Variants in MAGI2 observed in about 807,000 individuals in gnomAD.
MAGI2 encodes membrane-associated guanylate kinase, WW and PDZ domain-containing protein 2.
MAGI2 carries 35 observed loss-of-function variants against 133.3 expected under a neutral mutation model. The observed-to-expected ratio is 0.26, with a 90% CI of 0.20 to 0.35. MAGI2 has a LOEUF of 0.35. Ranked by LOEUF, MAGI2 falls within the 10% of genes least tolerant of loss-of-function variation. The probability of loss-of-function intolerance (pLI) is 1.00; values close to 1 mark genes in which losing one functional copy is unlikely to be tolerated. For synonymous variants in MAGI2, 729 were observed against 710.6 expected, an observed-to-expected ratio of 1.03 and a Z score of -0.41; for missense variants, 1,636 against 1,863.4, an observed-to-expected ratio of 0.88 and a Z score of 2.25.
chr7:78,811,316 G>T lies in MAGI2; in HGVS notation c.419-184077C>A, dbSNP rs1789022648. Among the ~76,000 whole-genome samples the T allele has an allele frequency of 3.9e-5, 6 of 152,002 alleles. No individual in the cohort carries two copies. In the South Asian group the frequency reaches 1.2e-3, roughly 31 times the overall value. ...TTTGTATTTTAATTTATAACACTTA[G>T]AGGACCTAAGAAGATGCTGATAGAG... On this transcript the variant is annotated intron_variant, in intron 2 of 21. Transcript: ENST00000354212.
chr7:78,173,015 A>G (rs2691525), intron 14 of MAGI2, among the ~76,000 whole-genome samples: 128,201 of 152,238 alleles, frequency 0.84, 54,152 homozygotes, highest in East Asian at 0.91. Flanking sequence ...TGCAGCATGA[A>G]TATGTCTTAA....
intron 1 of MAGI2, chr7:79,415,637 A>G (rs1846447833): frequency 6.6e-6 from 1 of 152,200 alleles, no homozygotes; most frequent in African/African-American, 2.4e-5. Flanking sequence ...AAATCCCTCA[A>G]AAGGGCTTCA....
intron 1 of MAGI2, among the ~76,000 whole-genome samples, chr7:79,164,122 T>C (rs1303888182): frequency 6.6e-6 from 1 of 152,036 alleles, no homozygotes; most frequent in African/African-American, 2.4e-5. Context: ...GGCCTGCCCA[T>C]GCATTCTATG....
At chr7:79,291,854 A>G (rs939753138) in intron 1 of MAGI2, among the ~76,000 whole-genome samples, 2 of 152,060 alleles carry the variant, frequency 1.3e-5, no homozygotes. Flanking sequence ...ATTTTCACCC[A>G]TTCTGTGAAC....
At chr7:78,087,165 C>T (rs1262312533) in intron 20 of MAGI2, among the ~76,000 whole-genome samples, 4 of 152,080 alleles carry the variant, frequency 2.6e-5, no homozygotes, top group African/African-American at 9.7e-5. Context: ...TTGACCTTTG[C>T]CAATAATATT....
At chr7:78,237,646 T>C (rs971638149) in intron 10 of MAGI2, among the ~76,000 whole-genome samples, 5 of 152,178 alleles carry the variant, frequency 3.3e-5, no homozygotes, top group Non-Finnish European at 7.3e-5. Context: ...ATATTAGTTC[T>C]TTTTATTTTT....
intron 1 of MAGI2, among the ~76,000 whole-genome samples, chr7:79,075,042 T>C (rs2041483): frequency 0.034 from 5,180 of 152,324 alleles, 226 homozygotes; most frequent in African/African-American, 0.096. Flanking sequence ...GGATGTAAGA[T>C]GGCTGCTTCA....
intron 3 of MAGI2, among the ~76,000 whole-genome samples, chr7:78,571,560 T>C (rs768397936): frequency 8.5e-5 from 13 of 152,180 alleles, no homozygotes; most frequent in Non-Finnish European, 1.9e-4. Context: ...TCATTTTTAA[T>C]AGTCATGTTG....
At chr7:79,318,404 A>C (rs753138460) in intron 1 of MAGI2, among the ~76,000 whole-genome samples, 5 of 152,120 alleles carry the variant, frequency 3.3e-5, no homozygotes, top group Middle Eastern at 6.8e-3. Flanking sequence ...GCCATAAAAA[A>C]CACAATGTAA....
intron 1 of MAGI2, among the ~76,000 whole-genome samples, chr7:79,390,704 C>T (rs936267160): frequency 2.0e-5 from 3 of 152,182 alleles, no homozygotes; most frequent in Non-Finnish European, 4.4e-5. Flanking sequence ...TCCGTGCAAT[C>T]CCCTCTTCCT....
In MAGI2 at chr7:79,377,917, A is replaced by G. The variant is rs868339229; in HGVS notation, c.301+75103T>C. ...CTCACAGAAAACAGCACCAGGAGAT[A>G]TTATTAATGAATGCACAAAGTTCTA... is the stretch of plus-strand genomic sequence containing the variant. On this transcript the variant is annotated intron_variant, in intron 1 of 21. Transcript: ENST00000354212. Among the ~76,000 whole-genome samples, 20 of 152,012 alleles carry G rather than the reference A, an allele frequency of 1.3e-4. 1 individual carries two copies. The South Asian group carries it at 1.7e-3, about 13-fold the overall frequency.
At chr7:78,976,383 A>T (rs1374698808) in intron 2 of MAGI2, among the ~76,000 whole-genome samples, 2 of 151,532 alleles carry the variant, frequency 1.3e-5, no homozygotes, top group Non-Finnish European at 3.0e-5. Flanking sequence ...ACATCTATTC[A>T]TGACAAAAAC....
At chr7:79,173,480 C>T (rs990024492) in intron 1 of MAGI2, among the ~76,000 whole-genome samples, 11 of 151,964 alleles carry the variant, frequency 7.2e-5, no homozygotes, top group African/African-American at 2.7e-4. Context: ...CACACGACTC[C>T]ACACCCAGCT....
intron 21 of MAGI2, among the ~76,000 whole-genome samples, chr7:78,052,607 G>A (rs1329997678): frequency 2.0e-5 from 3 of 152,238 alleles, no homozygotes; most frequent in East Asian, 1.9e-4. Flanking sequence ...TCTCAGCAAT[G>A]GGGACTTTTC....
intron 2 of MAGI2, among the ~76,000 whole-genome samples, chr7:78,830,354 C>G (rs1397502833): frequency 6.6e-6 from 1 of 152,078 alleles, no homozygotes; most frequent in South Asian, 2.1e-4. Flanking sequence ...CAACAAACAG[C>G]TTTTCCATTT....
chr7:78,905,453 T>C (rs1302912205), intron 2 of MAGI2, among the ~76,000 whole-genome samples: 2 of 152,196 alleles, frequency 1.3e-5, no homozygotes, highest in East Asian at 3.9e-4. Context: ...TACCTCTGTC[T>C]TATAAGGTTA....
chr7:78,856,426 G>A (rs1345963836), intron 2 of MAGI2, among the ~76,000 whole-genome samples: 1 of 152,156 alleles, frequency 6.6e-6, no homozygotes, highest in African/African-American at 2.4e-5. Context: ...ATTAATTTTT[G>A]TATAAGGTGT....
chr7:78,587,401 CA>C (rs1803541546), intron 3 of MAGI2, among the ~76,000 whole-genome samples: 1 of 152,080 alleles, frequency 6.6e-6, no homozygotes, highest in African/African-American at 2.4e-5. Context: ...TTGTTGTTTG[CA>C]AATTGCTAGT....
chr7:78,404,684 A>C (rs978201577), intron 6 of MAGI2, among the ~76,000 whole-genome samples: 2 of 152,222 alleles, frequency 1.3e-5, no homozygotes, highest in Non-Finnish European at 2.9e-5. Flanking sequence ...TGGGTTAAAG[A>C]CTTAAATGTT....
Sources: allele counts gnomAD v4.1 joint callset (sites outside exome capture counted in the v4.1 genomes callset), GRCh38; gene constraint gnomAD v4.1.1; transcripts MANE v1.5; gene names NCBI Gene and HGNC (gene_info 2026-07-23, HGNC 2026-07-21).